Variants in PACRG observed in about 807,000 individuals in gnomAD.
The protein encoded by PACRG is parkin coregulated gene protein.
In PACRG, 29 loss-of-function variants were observed where a neutral mutation model predicts 29.7. The ratio of observed to expected loss-of-function variants is 0.98; its 90% CI spans 0.73 to 1.33. The LOEUF is 1.33. PACRG is among the 40% of genes most tolerant of loss of function. PACRG has a pLI of 0.00. For synonymous variants in PACRG, 116 were observed against 118.7 expected (o/e 0.98, Z 0.15); for missense variants, 279 against 316.2 (o/e 0.88, Z 0.89).
intron 4 of PACRG, among the ~76,000 whole-genome samples, chr6:163,237,098 C>T (rs6455884): frequency 0.71 from 107,647 of 151,758 alleles, 38,845 homozygotes; most frequent in African/African-American, 0.84. Context: ...CAGAGCCAAA[C>T]TATATCATTG....
chr6:163,206,165 G>T (rs1001996516), intron 4 of PACRG, among the ~76,000 whole-genome samples: 2 of 152,106 alleles, frequency 1.3e-5, no homozygotes, highest in African/African-American at 2.4e-5. Flanking sequence ...ATTCCTCAAA[G>T]AACTTAAAAC....
intron 2 of PACRG, among the ~76,000 whole-genome samples, chr6:163,011,097 G>A (rs1190708124): frequency 2.6e-5 from 4 of 152,192 alleles, no homozygotes; most frequent in Non-Finnish European, 4.4e-5. Context: ...AGTGAGTAAG[G>A]GGTAGAGAAG....
chr6:162,988,754 T>C (rs58881863), intron 2 of PACRG, among the ~76,000 whole-genome samples: 7,905 of 152,192 alleles, frequency 0.052, 638 homozygotes, highest in African/African-American at 0.17. Flanking sequence ...TATGGTGCAA[T>C]CTCTTAATGG....
intron 2 of PACRG, among the ~76,000 whole-genome samples, chr6:162,847,908 G>A (rs570268316): frequency 3.3e-4 from 50 of 152,252 alleles, no homozygotes; most frequent in African/African-American, 1.1e-3. Flanking sequence ...AAGGTTTTAA[G>A]GAGGAAGAGG....
intron 4 of PACRG, among the ~76,000 whole-genome samples, chr6:163,296,575 C>T (rs999616164): frequency 6.6e-6 from 1 of 152,180 alleles, no homozygotes; most frequent in Admixed American, 6.5e-5. Flanking sequence ...GAATTACAGG[C>T]GTGAGCCACT....
At chr6:162,854,449 G>A (rs1405699198) in intron 2 of PACRG, among the ~76,000 whole-genome samples, 1 of 152,080 alleles carries the variant, frequency 6.6e-6, no homozygotes, top group Non-Finnish European at 1.5e-5. Flanking sequence ...AGAGTTCCAT[G>A]TGACCTCCAG....
At chr6:163,097,719 A>G (rs1814728271) in intron 4 of PACRG, among the ~76,000 whole-genome samples, 1 of 152,198 alleles carries the variant, frequency 6.6e-6, no homozygotes, top group South Asian at 2.1e-4. Flanking sequence ...AATTGGTTGA[A>G]AGAGTTAAGT....
At chr6:163,198,669 G>A (rs1162208265) in intron 4 of PACRG, among the ~76,000 whole-genome samples, 3 of 152,152 alleles carry the variant, frequency 2.0e-5, no homozygotes, top group African/African-American at 7.2e-5. Context: ...ATCTGCCCCG[G>A]TGTTTGATAA....
At chr6:163,201,407 C>A (rs1780693074) in intron 4 of PACRG, among the ~76,000 whole-genome samples, 1 of 152,152 alleles carries the variant, frequency 6.6e-6, no homozygotes, top group Non-Finnish European at 1.5e-5. Flanking sequence ...GACACAGAGT[C>A]ATAAAGAGAT....
chr6:163,274,040 T>A (rs1264536298), intron 4 of PACRG, among the ~76,000 whole-genome samples: 2 of 152,170 alleles, frequency 1.3e-5, no homozygotes, highest in African/African-American at 2.4e-5. Context: ...AGTTTTTTTT[T>A]ATTATTATAC....
At chr6:162,851,752 TATG>T (rs1347350427) in intron 2 of PACRG, among the ~76,000 whole-genome samples, 1 of 152,134 alleles carries the variant, frequency 6.6e-6, no homozygotes, top group East Asian at 1.9e-4. Context: ...TTGATTATTA[TATG>T]ATATGTAAAT....
intron 2 of PACRG, among the ~76,000 whole-genome samples, chr6:162,967,933 CATT>C (rs1801186402): frequency 6.6e-6 from 1 of 152,110 alleles, no homozygotes; most frequent in Non-Finnish European, 1.5e-5. Context: ...AAAGCTAAAT[CATT>C]GTTTATATTT....
intron 2 of PACRG, among the ~76,000 whole-genome samples, chr6:162,871,636 C>T (rs930279976): frequency 6.6e-6 from 1 of 152,100 alleles, no homozygotes; most frequent in Non-Finnish European, 1.5e-5. Context: ...GACTACTTCT[C>T]GGCTGGGCGC....
intron 4 of PACRG, among the ~76,000 whole-genome samples, chr6:163,176,132 G>A (rs1198510416): frequency 6.6e-6 from 1 of 152,152 alleles, no homozygotes; most frequent in African/African-American, 2.4e-5. Context: ...CCCCCAACTT[G>A]TGGGGGTTTC....
intron 2 of PACRG, among the ~76,000 whole-genome samples, chr6:162,826,977 C>T (rs1490376637): frequency 6.6e-6 from 1 of 152,076 alleles, no homozygotes; most frequent in East Asian, 1.9e-4. Flanking sequence ...CAAATTATAG[C>T]ATTGGATTGG....
rs1276044448 is a variant in PACRG, at chr6:163,209,637, C to T, written c.614-105190C>T. On this transcript the variant is annotated intron_variant, in intron 4 of 4. Transcript: ENST00000366888. ...TGACATTACTGAGTTTTGAATTTTC[C>T]TTTGTATTGACTTTTTCATAATGCA... is the stretch of plus-strand genomic sequence containing the variant. Among the ~76,000 whole-genome samples, 5 of 152,042 alleles carry T rather than the reference C, an allele frequency of 3.3e-5. No homozygotes were observed. The East Asian group carries it at 7.7e-4, about 23-fold the overall frequency.
intron 4 of PACRG, among the ~76,000 whole-genome samples, chr6:163,195,375 A>T (rs796770814): frequency 5.3e-5 from 8 of 152,234 alleles, no homozygotes; most frequent in African/African-American, 1.9e-4. Context: ...TGCCGCCCTG[A>T]CCACACTTCC....
chr6:162,758,706 A>G (rs1782122336), intron 1 of PACRG, among the ~76,000 whole-genome samples: 2 of 152,218 alleles, frequency 1.3e-5, no homozygotes, highest in Admixed American at 1.3e-4. Flanking sequence ...CCTATAAAAG[A>G]GGTTAATAAG....
chr6:162,791,773 A>G (rs1181037751), intron 1 of PACRG, among the ~76,000 whole-genome samples: 1 of 152,156 alleles, frequency 6.6e-6, no homozygotes, highest in Non-Finnish European at 1.5e-5. Flanking sequence ...TGGGGAATGC[A>G]GAAGGTAATG....
Sources: allele counts gnomAD v4.1 joint callset (sites outside exome capture counted in the v4.1 genomes callset), GRCh38; gene constraint gnomAD v4.1.1; transcripts MANE v1.5; gene names NCBI Gene and HGNC (gene_info 2026-07-23, HGNC 2026-07-21).